ACVR2B: variants seen among roughly 807,000 people sequenced by gnomAD.
ACVR2B encodes activin A receptor type 2B.
ACVR2B carries 18 observed loss-of-function variants against 65.1 expected under a neutral mutation model. The ratio of observed to expected loss-of-function variants is 0.28; its 90% CI spans 0.19 to 0.41. The LOEUF (loss-of-function observed/expected upper bound fraction) is 0.41. Among genes scored for constraint, ACVR2B ranks in the 10% least tolerant of loss-of-function variants. The probability of loss-of-function intolerance (pLI) is 1.00; values close to 1 mark genes in which losing one functional copy is unlikely to be tolerated. For missense variants in ACVR2B, 482 were observed against 682.7 expected (o/e 0.71, Z 3.28); for synonymous variants, 298 against 277.7 (o/e 1.07, Z -0.73).
At chr3:38,476,247 T>A (rs1182098956) in intron 1 of ACVR2B, 1 of 152,182 alleles carries the variant, frequency 6.6e-6, no homozygotes, top group Non-Finnish European at 1.5e-5. Flanking sequence ...ATGTTTGAAA[T>A]CAAGTTTGAA....
rs972081829 is a variant in ACVR2B at position 38,486,347 on chromosome 3, CAAG to C, written c.*3022_*3024del. On this transcript the variant is annotated 3_prime_UTR_variant, in exon 11 of 11. Transcript: ENST00000352511. The stretch of plus-strand genomic sequence containing the variant: ...CAGGTGGTATATCTGGTTCTGATGG[CAAG>C]AAGAAGGTGGGGGATCTCCTTATAG... The C allele has an allele frequency of 2.0e-5, 3 of 152,218 alleles. No homozygotes were observed. Among genetic ancestry groups the C allele is most frequent in the Non-Finnish European group, 4.4e-5 (3 of 68,122 alleles). 9.4% of individuals were successfully genotyped at this position (152,218 alleles called of 1,614,324 possible). A position where few individuals can be genotyped will look rare whatever the true frequency, so the allele number is the denominator to read the frequency against.
At chr3:38,478,563 A>G (rs957933834) in intron 5 of ACVR2B, 45 bp downstream of exon 5, 1 of 1,613,412 alleles carries the variant, frequency 6.2e-7, no homozygotes, top group Admixed American at 1.7e-5. Context: ...CCTCCACTGT[A>G]GCTTGAACTG....
chr3:38,473,418 C>G (rs1709853318), intron 1 of ACVR2B: 1 of 152,290 alleles, frequency 6.6e-6, no homozygotes, highest in South Asian at 2.1e-4. Flanking sequence ...GCCCTGGCTT[C>G]CTGGGTGTGG....
Position 38,477,734 on chromosome 3 carries a change from G to A in ACVR2B, c.261-127G>A, listed in dbSNP as rs1698333901. The A allele has an allele frequency of 2.7e-6, 3 of 1,107,866 alleles. No homozygotes were observed. Among genetic ancestry groups the A allele is most frequent in the Non-Finnish European group, 4.2e-6 (3 of 719,228 alleles). The allele number at this position is 1,107,866 out of a possible 1,614,324, so 68.6% of individuals were successfully genotyped here. ...GCTTTGGGTCTCCTGTAGGGGAGGT[G>A]AGTTCACACCGTCCCCCTGGTGTTG... On this transcript the variant is annotated intron_variant, in intron 2 of 10. Coordinates refer to ENST00000352511, the MANE Select transcript of ACVR2B (RefSeq NM_001106.4). The surrounding 1 kb of genome is among the most constrained non-coding windows in gnomAD (Gnocchi z 6.7).
chr3:38,455,745 G>A (rs962413095), intron 1 of ACVR2B, among the ~76,000 whole-genome samples: 6 of 152,230 alleles, frequency 3.9e-5, no homozygotes, highest in Non-Finnish European at 5.9e-5. Flanking sequence ...AGGCGAAGTG[G>A]TGGTCGTGTT....
In ACVR2B at chr3:38,481,532, T is replaced by G. The variant is rs1299714393; in HGVS notation, c.1074+67T>G. 2.2e-6 allele frequency: 3 copies of G among 1,336,018 alleles called. No individual in the cohort carries two copies. Among genetic ancestry groups the G allele is most frequent in the African/African-American group, 1.4e-5 (1 of 69,338 alleles). The allele number at this position is 1,336,018 out of a possible 1,614,324, so 82.8% of individuals were successfully genotyped here. ...GGTAGATACTTTGCCCTTTTTGTGC[T>G]CAGCTGGGGAGGTGCAGGGATGAGG... is the stretch of plus-strand genomic sequence containing the variant. On this transcript the variant is annotated intron_variant, in intron 8 of 10. Coordinates refer to ENST00000352511, the MANE Select transcript of ACVR2B (RefSeq NM_001106.4). The surrounding 1 kb of genome is among the most constrained non-coding windows in gnomAD (Gnocchi z 4.7).
chr3:38,459,508 G>A (rs1575577763), intron 1 of ACVR2B: 24 of 832,568 alleles, frequency 2.9e-5, no homozygotes, highest in Non-Finnish European at 3.3e-5. Context: ...GCTCACCTGG[G>A]GGCCTCAGGA....
chr3:38,482,134 C>G, intron 8 of ACVR2B, 64 bp from the exon 9 acceptor site: 1 of 1,609,428 alleles, frequency 6.2e-7, no homozygotes, highest in South Asian at 1.1e-5. Context: ...CTGTAACTCC[C>G]ATGTCCCAGC....
intron 1 of ACVR2B, among the ~76,000 whole-genome samples, chr3:38,460,820 G>A (rs1021624669): frequency 6.6e-6 from 1 of 152,240 alleles, no homozygotes; most frequent in Non-Finnish European, 1.5e-5. Flanking sequence ...CTCTTTGCAT[G>A]TGTTCCTCTG....
At position 38,483,097 on chromosome 3, in the gene ACVR2B, C is replaced by T; in HGVS notation, c.1345-41C>T. The stretch of plus-strand genomic sequence containing the variant: ...CCAAAGCTTTTCCTCACTGAAGGGT[C>T]CTAACAAAGGTGTCTTTCCTGTCTG... On this transcript the variant is annotated intron_variant, in intron 10 of 10. Transcript: ENST00000352511. This position sits in a 1 kb window ranked among gnomAD's most constrained non-coding sequence, Gnocchi z 4.8. The T allele has an allele frequency of 6.2e-7, 1 of 1,611,150 alleles. No homozygotes were observed. Among genetic ancestry groups the T allele is most frequent in the South Asian group, 1.1e-5 (1 of 91,010 alleles).
At chr3:38,471,753 C>A (rs1051079707) in intron 1 of ACVR2B, among the ~76,000 whole-genome samples, 16 of 152,220 alleles carry the variant, frequency 1.1e-4, no homozygotes, top group African/African-American at 3.6e-4. Flanking sequence ...GGGTAGGTTA[C>A]TTAATCTCTT....
chr3:38,471,991 C>T (rs1446403341), intron 1 of ACVR2B, among the ~76,000 whole-genome samples: 1 of 152,176 alleles, frequency 6.6e-6, no homozygotes, highest in Non-Finnish European at 1.5e-5. Flanking sequence ...GAGTTATTCT[C>T]TTGGGTAAAA....
Position 38,485,585 on chromosome 3 carries a change from G to A in ACVR2B, c.*2253G>A, listed in dbSNP as rs921340344. 4.6e-5 allele frequency: 7 copies of A among 151,994 alleles called. No individual in the cohort carries two copies. The South Asian group carries it at 1.3e-3, about 27-fold the overall frequency. 9.4% of individuals were successfully genotyped at this position (151,994 alleles called of 1,614,324 possible). ...TGGGAGGCCCATTTGCTTCCCTCTCGGAGCTCAGTTTTTGCTTCATGGGTC... is the reference window on the plus strand; with the variant it reads ...TGGGAGGCCCATTTGCTTCCCTCTCAGAGCTCAGTTTTTGCTTCATGGGTC... On this transcript the variant is annotated 3_prime_UTR_variant, in exon 11 of 11. Coordinates refer to ENST00000352511, the MANE Select transcript of ACVR2B (RefSeq NM_001106.4).
Position 38,478,437 on chromosome 3 carries a change from C to T in ACVR2B, c.585C>T (p.Ile195=). The change falls in exon 5 of 11, where the codon ATC becomes ATT. Residue 195 remains isoleucine (I), a synonymous_variant. Coordinates refer to ENST00000352511, the MANE Select transcript of ACVR2B (RefSeq NM_001106.4). ...TGAAGCCACTGCAGCTGCTGGAGAT[C>T]AAGGCTCGGGGGCGCTTTGGCTGTG... ...VGLKPLQLLE[I]KARGRFGCVW... The T allele has an allele frequency of 6.2e-7, 1 of 1,614,148 alleles. No individual in the cohort carries two copies. Among genetic ancestry groups the T allele is most frequent in the Non-Finnish European group, 8.5e-7 (1 of 1,180,030 alleles).
intron 1 of ACVR2B, among the ~76,000 whole-genome samples, chr3:38,457,389 TAC>T (rs1709568116): frequency 6.6e-6 from 1 of 152,226 alleles, no homozygotes; most frequent in Non-Finnish European, 1.5e-5. Context: ...GGTTAGTGGC[TAC>T]CATATTAGAC....
At chr3:38,464,987 T>C in intron 1 of ACVR2B, among the ~76,000 whole-genome samples, 1 of 152,196 alleles carries the variant, frequency 6.6e-6, no homozygotes, top group South Asian at 2.1e-4. Flanking sequence ...ATTATCTCTA[T>C]AATTTTGCAA....
chr3:38,461,880 T>C (rs1384151948), intron 1 of ACVR2B, among the ~76,000 whole-genome samples: 1 of 152,168 alleles, frequency 6.6e-6, no homozygotes, highest in African/African-American at 2.4e-5. Context: ...TGTGCATCTA[T>C]AGAAATACTT....
chr3:38,466,390 G>T (rs958726083), intron 1 of ACVR2B, among the ~76,000 whole-genome samples: 3 of 152,158 alleles, frequency 2.0e-5, no homozygotes, highest in African/African-American at 7.2e-5. Context: ...ATGATAAATG[G>T]TAATGGATTT....
rs1559655774 is a variant in ACVR2B at position 38,482,431 on chromosome 3, A to G, written c.1215A>G (p.Gly405=). 14 of 1,611,362 alleles carry G rather than the reference A, an allele frequency of 8.7e-6. No homozygotes were observed. The highest frequency in any genetic ancestry group is 1.7e-4 in the Middle Eastern group (1 of 6,060). ...ELVSRCKAAD[G]PVDEYMLPFE... ...TGCCAGGCTCTCTCTTTCTCCTAGG[A>G]CCCGTGGATGAGTACATGCTGCCCT... Residue 405 remains glycine (G), a splice_region_variant and synonymous_variant, in exon 10 of 11, where the codon GGA becomes GGG. Transcript: ENST00000352511.
Sources: allele counts gnomAD v4.1 joint callset (sites outside exome capture counted in the v4.1 genomes callset), GRCh38; gene constraint gnomAD v4.1.1; non-coding constraint Gnocchi (gnomAD v3.1); transcripts MANE v1.5; gene names NCBI Gene and HGNC (gene_info 2026-07-23, HGNC 2026-07-21).